The following ZNF423 variants were observed in gnomAD, a reference collection of about 807,000 sequenced individuals.
ZNF423 encodes the protein zinc finger protein 423.
Under a neutral mutation model 95.8 loss-of-function variants are expected in ZNF423, and 12 were observed. That is an observed-to-expected ratio of 0.13 (90% CI 0.08 to 0.20). ZNF423 has a LOEUF of 0.20. Ranked by LOEUF, ZNF423 falls within the 10% of genes least tolerant of loss-of-function variation. The pLI, the probability that ZNF423 is intolerant of heterozygous loss-of-function variation, is 1.00. For missense variants in ZNF423, 1,316 were observed against 1,737.1 expected, an observed-to-expected ratio of 0.76 and a Z score of 4.31; for synonymous variants, 749 against 711.9, an observed-to-expected ratio of 1.05 and a Z score of -0.83.
intron 7 of ZNF423, among the ~76,000 whole-genome samples, chr16:49,510,849 G>T (rs549780561): frequency 1.4e-4 from 21 of 152,206 alleles, no homozygotes; most frequent in African/African-American, 4.8e-4. Context: ...GGTTCGGCTC[G>T]CCACACACAC....
At chr16:49,508,123 G>A (rs1169152644) in intron 7 of ZNF423, among the ~76,000 whole-genome samples, 1 of 152,184 alleles carries the variant, frequency 6.6e-6, no homozygotes, top group Admixed American at 6.5e-5. Context: ...GAGGCATTGT[G>A]AGGATCAAAT....
intron 5 of ZNF423, among the ~76,000 whole-genome samples, chr16:49,560,038 G>A (rs1323164713): frequency 6.6e-6 from 1 of 152,196 alleles, no homozygotes; most frequent in Non-Finnish European, 1.5e-5. Flanking sequence ...CCTGAGAGCA[G>A]GGTACCGAGT....
intron 1 of ZNF423, among the ~76,000 whole-genome samples, chr16:49,851,420 CA>C (rs1274222743): frequency 6.6e-6 from 1 of 152,224 alleles, no homozygotes; most frequent in African/African-American, 2.4e-5. Context: ...AATCCTACAT[CA>C]GGGGAAGAAT....
At chr16:49,512,307 G>C (rs541414325) in intron 7 of ZNF423, among the ~76,000 whole-genome samples, 2 of 152,206 alleles carry the variant, frequency 1.3e-5, no homozygotes, top group Non-Finnish European at 2.9e-5. Context: ...CCAGACCACA[G>C]GCAGGGCAAT....
At chr16:49,597,171 A>G (rs369879388) in intron 5 of ZNF423, among the ~76,000 whole-genome samples, 2 of 152,116 alleles carry the variant, frequency 1.3e-5, no homozygotes, top group African/African-American at 4.8e-5. Context: ...GCCACTGCCA[A>G]TGTTCCCCAA....
At chr16:49,827,217 C>T (rs2035014170) in intron 1 of ZNF423, among the ~76,000 whole-genome samples, 1 of 152,198 alleles carries the variant, frequency 6.6e-6, no homozygotes, top group Admixed American at 6.5e-5. Flanking sequence ...CGATCACCTG[C>T]TCGCTCCAGC....
At chr16:49,541,805 C>T (rs1406409950) in intron 5 of ZNF423, among the ~76,000 whole-genome samples, 1 of 152,186 alleles carries the variant, frequency 6.6e-6, no homozygotes, top group Non-Finnish European at 1.5e-5. Flanking sequence ...GCTTGGCTCT[C>T]ATTCTTCTCT....
At chr16:49,562,390 C>T (rs1370299959) in intron 5 of ZNF423, among the ~76,000 whole-genome samples, 1 of 152,200 alleles carries the variant, frequency 6.6e-6, no homozygotes, top group Non-Finnish European at 1.5e-5. Context: ...TCTCTTAGGA[C>T]ACAGGAGGAT....
At chr16:49,737,520 G>A (rs541814625) in intron 2 of ZNF423, among the ~76,000 whole-genome samples, 30 of 152,292 alleles carry the variant, frequency 2.0e-4, no homozygotes, top group East Asian at 1.6e-3. Flanking sequence ...TCGGCCTCCC[G>A]AAGTGCTGGG....
chr16:49,841,409 C>G (rs1271237588), intron 1 of ZNF423, among the ~76,000 whole-genome samples: 1 of 152,150 alleles, frequency 6.6e-6, no homozygotes, highest in Non-Finnish European at 1.5e-5. Context: ...AGCTCCAGGA[C>G]TGCTGGTAAA....
chr16:49,821,203 G>A (rs1414334331), intron 1 of ZNF423, among the ~76,000 whole-genome samples: 3 of 144,436 alleles, frequency 2.1e-5, no homozygotes, highest in African/African-American at 7.6e-5. Flanking sequence ...GGGTTTAAAA[G>A]CCAGCTACCC....
At chr16:49,592,985 G>A (rs1407235452) in intron 5 of ZNF423, among the ~76,000 whole-genome samples, 1 of 152,164 alleles carries the variant, frequency 6.6e-6, no homozygotes, top group Non-Finnish European at 1.5e-5. Context: ...AGTCATCCAG[G>A]TGCAGTCATC....
rs1966910606 is a variant in ZNF423 at position 49,490,343 on chromosome 16, T to C, written c.*932A>G. 6.6e-6 allele frequency: 1 copy of C among 152,298 alleles called. No individual in the cohort carries two copies. The highest frequency in any genetic ancestry group is 2.4e-5 in the African/African-American group (1 of 41,472). The allele number at this position is 152,298 out of a possible 1,614,324, so 9.4% of individuals were successfully genotyped here. A position where few individuals can be genotyped will look rare whatever the true frequency, so the allele number is the denominator to read the frequency against. On this transcript the variant is annotated 3_prime_UTR_variant, in exon 8 of 8. Transcript: ENST00000563137. ...GCTGCACGTTACCCTTGGGCCTCTG[T>C]TTCCCCATCCAAGAGTGGGAAGATC...
chr16:49,716,138 G>A (rs537844423), intron 3 of ZNF423, among the ~76,000 whole-genome samples: 1 of 152,174 alleles, frequency 6.6e-6, no homozygotes, highest in East Asian at 1.9e-4. Flanking sequence ...GAGGAGAAAA[G>A]GCTGGGTACA....
chr16:49,746,829 T>C (rs554749036), intron 2 of ZNF423, among the ~76,000 whole-genome samples: 1 of 152,112 alleles, frequency 6.6e-6, no homozygotes, highest in Non-Finnish European at 1.5e-5. Context: ...TACTTCCTCC[T>C]AACAGCTGGA....
chr16:49,532,406 T>C (rs1473611700), intron 5 of ZNF423, among the ~76,000 whole-genome samples: 1 of 152,126 alleles, frequency 6.6e-6, no homozygotes, highest in Non-Finnish European at 1.5e-5. Context: ...ATTTTCCTAA[T>C]TAATGCTGGA....
At chr16:49,736,396 C>A (rs922436329) in intron 2 of ZNF423, among the ~76,000 whole-genome samples, 3 of 152,212 alleles carry the variant, frequency 2.0e-5, no homozygotes, top group African/African-American at 7.2e-5. Flanking sequence ...CACTACACCA[C>A]ACCCACCCAA....
intron 5 of ZNF423, among the ~76,000 whole-genome samples, chr16:49,527,936 A>G (rs1319279273): frequency 2.0e-5 from 3 of 152,148 alleles, no homozygotes; most frequent in Non-Finnish European, 4.4e-5. Flanking sequence ...GCATGCACAC[A>G]CACACACACG....
rs747731796 is a variant in ZNF423 at position 49,636,432 on chromosome 16, C to G, written c.2744G>C (p.Arg915Pro). ...CTCGCCCGGCCGGATATTGTGGTCC[C>G]GCAGCCGGTGATTCTGCAGCAGCAC... is the stretch of plus-strand genomic sequence containing the variant. ...MEVLLQNHRL[R>P]DHNIRPGEDD... Residue 915 changes from arginine to proline, a missense_variant, in exon 4 of 8, where the codon CGG (arginine) becomes CCG (proline). Arg to Pro is a moderately radical substitution (Grantham distance 103). This residue lies in a region of ZNF423 where 620 missense variants were observed against 775.6 expected (regional missense o/e 0.80). Coordinates refer to ENST00000563137, the MANE Select transcript of ZNF423 (RefSeq NM_001379286.1). The surrounding 1 kb of genome is among the most constrained non-coding windows in gnomAD (Gnocchi z 8.6). 1 of 1,613,416 alleles carries G rather than the reference C, an allele frequency of 6.2e-7. No individual in the cohort carries two copies. The highest frequency in any genetic ancestry group is 8.5e-7 in the Non-Finnish European group (1 of 1,180,032).
Sources: gnomAD v4.1 joint callset for allele counts (sites outside exome capture counted in the v4.1 genomes callset) on GRCh38, gnomAD v4.1.1 for gene constraint, gnomAD v4.1.1 regional missense constraint, Gnocchi (gnomAD v3.1) non-coding constraint, MANE v1.5 for transcripts, NCBI Gene and HGNC (gene_info 2026-07-23, HGNC 2026-07-21) for gene names.